Variants in AGRN observed in about 807,000 individuals in gnomAD.
AGRN encodes the protein agrin.
In AGRN, 106 loss-of-function variants were observed where a neutral mutation model predicts 211.0. The ratio of observed to expected loss-of-function variants is 0.50; its 90% CI spans 0.43 to 0.59. The LOEUF is 0.59. Among genes scored for constraint, AGRN ranks in the 20% least tolerant of loss-of-function variants. The pLI, the probability that AGRN is intolerant of heterozygous loss-of-function variation, is 0.00. For missense variants in AGRN, 3,040 were observed against 2,982.6 expected (o/e 1.02, Z -0.45); for synonymous variants, 1,525 against 1,332.5 (o/e 1.14, Z -3.15).
rs1645167660 is a variant in AGRN at position 1,048,495 on chromosome 1, A to T, written c.4105+130A>T. 3.7e-6 allele frequency: 3 copies of T among 820,236 alleles called. No individual in the cohort carries two copies. The highest frequency in any genetic ancestry group is 5.5e-6 in the Non-Finnish European group (3 of 546,800). 50.8% of individuals were successfully genotyped at this position (820,236 alleles called of 1,614,324 possible). A position where few individuals can be genotyped will look rare whatever the true frequency, so the allele number is the denominator to read the frequency against. On this transcript the variant is annotated intron_variant, in intron 23 of 35. Coordinates refer to ENST00000379370, the MANE Select transcript of AGRN (RefSeq NM_198576.4). The surrounding 1 kb of genome is among the most constrained non-coding windows in gnomAD (Gnocchi z 5.9). ...CGGATTAAGGCGGGGTTTCGGCCAG[A>T]TGCGGTGGCTCACGCCTGTAATCCC...
chr1:1,053,363 G>C, intron 33 of AGRN: 3 of 1,119,988 alleles, frequency 2.7e-6, no homozygotes, highest in Non-Finnish European at 3.5e-6. Flanking sequence ...CATGTCTTCT[G>C]TGGGTGCCTG....
rs778447033 is a variant in AGRN, at chr1:1,043,387, C to T, written c.1533C>T (p.Ser511=). 7 of 1,608,240 alleles carry T rather than the reference C, an allele frequency of 4.4e-6. No homozygotes were observed. The highest frequency in any genetic ancestry group is 2.2e-5 in the East Asian group (1 of 44,696). ...GCAGCGACGGCGTCACATACGGCAGCGCGTGCGAGCTGGAGGCCACGGCCT... is the reference window on the plus strand; with the variant it reads ...GCAGCGACGGCGTCACATACGGCAGTGCGTGCGAGCTGGAGGCCACGGCCT... ...VCGSDGVTYG[S]ACELEATACT... Residue 511 remains serine (S), a synonymous_variant, in exon 8 of 36, where the codon AGC becomes AGT. Transcript: ENST00000379370.
At chr1:1,038,911 G>A (rs930419927) in intron 3 of AGRN, among the ~76,000 whole-genome samples, 1 of 152,198 alleles carries the variant, frequency 6.6e-6, no homozygotes, top group Non-Finnish European at 1.5e-5. Flanking sequence ...TGTGGTTTGA[G>A]TTTGATTTGA....
chr1:1,048,270 C>G lies in AGRN; in HGVS notation c.4010C>G (p.Pro1337Arg). 6.5e-7 allele frequency: 1 copy of G among 1,530,150 alleles called. No individual in the cohort carries two copies. Among genetic ancestry groups the G allele is most frequent in the Non-Finnish European group, 8.8e-7 (1 of 1,134,516 alleles). The allele number at this position is 1,530,150 out of a possible 1,614,324, so 94.8% of individuals were successfully genotyped here. The change falls in exon 23 of 36, where the codon CCC becomes CGC. Residue 1337 changes from proline to arginine, a missense_variant. By Grantham distance (103) the Pro-to-Arg change is moderately radical. This residue lies in a region of AGRN where 1,537 missense variants were observed against 1,505.0 expected (regional missense o/e 1.02). Transcript: ENST00000379370. The surrounding 1 kb of genome is among the most constrained non-coding windows in gnomAD (Gnocchi z 5.9). The part of the protein sequence containing the change: ...QQPPKPCDSQ[P>R]CFHGGTCQDW... ...CCTCCAAAGCCCTGTGACTCACAGC[C>G]CTGCTTCCACGGGGGGACCTGCCAG... is the stretch of plus-strand genomic sequence containing the variant.
At chr1:1,035,066 G>C in intron 2 of AGRN, 1 of 646,964 alleles carries the variant, frequency 1.5e-6, no homozygotes, top group Non-Finnish European at 2.7e-6. Flanking sequence ...ATGACTATTT[G>C]GCTGGAGGGG....
intron 3 of AGRN, among the ~76,000 whole-genome samples, chr1:1,037,139 C>T (rs1570178027): frequency 6.6e-6 from 1 of 152,298 alleles, no homozygotes; most frequent in East Asian, 1.9e-4. Flanking sequence ...CAGGTCTATG[C>T]AGGTCTATGC....
chr1:1,047,911 C>T lies in AGRN; in HGVS notation c.3751+16C>T, dbSNP rs749589461. 1.1e-5 allele frequency: 18 copies of T among 1,594,912 alleles called. No homozygotes were observed. The South Asian group carries it at 1.4e-4, about 12-fold the overall frequency. ...ATGGACTTTGGTGAGCGCCAGGCCA[C>T]GAGCCACAGCTTACCTGCCCCCTCC... On this transcript the variant is annotated intron_variant, in intron 22 of 35. Coordinates refer to ENST00000379370, the MANE Select transcript of AGRN (RefSeq NM_198576.4).
At position 1,032,781 on chromosome 1, in the gene AGRN, A is replaced by T. The variant is rs953880920; in HGVS notation, c.464-2496A>T. 6.6e-6 allele frequency among the ~76,000 whole-genome samples: 1 copy of T among 152,060 alleles called. No individual in the cohort carries two copies. The highest frequency in any genetic ancestry group is 2.4e-5 in the African/African-American group (1 of 41,412). ...CAGGGACAGAGGAGAGGGCAGGGTA[A>T]TGGGTGCGCAGGGGTCCCTTCCAAA... is the stretch of plus-strand genomic sequence containing the variant. On this transcript the variant is annotated intron_variant, in intron 2 of 35. Coordinates refer to ENST00000379370, the MANE Select transcript of AGRN (RefSeq NM_198576.4). The surrounding 1 kb of genome is among the most constrained non-coding windows in gnomAD (Gnocchi z 4.7).
rs1557720421 is a variant in AGRN, at chr1:1,050,713, CCCT to C, written c.5142-8_5142-6del. 3.1e-6 allele frequency: 5 copies of C among 1,600,368 alleles called. No homozygotes were observed. Among genetic ancestry groups the C allele is most frequent in the Non-Finnish European group, 4.3e-6 (5 of 1,175,926 alleles). The stretch of plus-strand genomic sequence containing the variant: ...GGTGGACAGAGCCCACTCACGCTGC[CCCT>C]CCTCACCAGGAGCAGGGAGCCAGTC... On this transcript the variant is annotated splice_polypyrimidine_tract_variant and intron_variant, in intron 29 of 35. Transcript: ENST00000379370.
chr1:1,047,845 C>T lies in AGRN; in HGVS notation c.3701C>T (p.Ser1234Phe), dbSNP rs1433503299. Residue 1234 changes from serine to phenylalanine, a missense_variant, in exon 22 of 36, where the codon TCC becomes TTC. Physicochemically the swap from Ser to Phe is radical, Grantham distance 155 (BLOSUM62 -2). Coordinates refer to ENST00000379370, the MANE Select transcript of AGRN (RefSeq NM_198576.4). Reference protein sequence around the residue: ...LRQIQVSRRRSLGVRRPLQEH... With the variant: ...LRQIQVSRRRFLGVRRPLQEH... ...CAGATCCAGGTGTCCAGGCGCCGGTCCTTGGGGGTGAGGCGGCCGCTGCAG... is the reference window on the plus strand; with the variant it reads ...CAGATCCAGGTGTCCAGGCGCCGGTTCTTGGGGGTGAGGCGGCCGCTGCAG... 1.2e-6 allele frequency: 2 copies of T among 1,606,040 alleles called. No homozygotes were observed. Among genetic ancestry groups the T allele is most frequent in the Admixed American group, 1.7e-5 (1 of 59,162 alleles).
intron 2 of AGRN, among the ~76,000 whole-genome samples, chr1:1,027,916 G>A (rs1053946351): frequency 3.9e-5 from 6 of 152,210 alleles, no homozygotes; most frequent in Non-Finnish European, 5.9e-5. Flanking sequence ...AGGCTCCCAC[G>A]CACCCCCCGC....
intron 33 of AGRN, chr1:1,052,161 C>A: frequency 1.9e-6 from 2 of 1,047,630 alleles, no homozygotes; most frequent in East Asian, 5.1e-5. Flanking sequence ...TGCAAGAGGC[C>A]GTTTCCTGCC....
At position 1,055,141 on chromosome 1, in the gene AGRN, G is replaced by A; in HGVS notation, c.*160G>A. On this transcript the variant is annotated 3_prime_UTR_variant, in exon 36 of 36. Transcript: ENST00000379370. ...TGCTGCAGACAGACCTAGTGCCGAGGGATGGACAGGCGAGGTGGCAGCGTG... is the reference window on the plus strand; with the variant it reads ...TGCTGCAGACAGACCTAGTGCCGAGAGATGGACAGGCGAGGTGGCAGCGTG... 3 of 1,169,520 alleles carry A rather than the reference G, an allele frequency of 2.6e-6. No homozygotes were observed. Among genetic ancestry groups the A allele is most frequent in the Non-Finnish European group, 3.6e-6 (3 of 824,840 alleles). The allele number at this position is 1,169,520 out of a possible 1,614,324, so 72.4% of individuals were successfully genotyped here.
At chr1:1,045,305 C>T (rs773236999) in intron 13 of AGRN, 28 bp downstream of exon 13, 21 of 1,611,946 alleles carry the variant, frequency 1.3e-5, no homozygotes, top group South Asian at 3.3e-5. Context: ...GCCCCGACCC[C>T]GGGCCTGGTG....
chr1:1,049,511 A>C (rs1331518504), intron 25 of AGRN, 55 bp from the exon 26 acceptor site: 2 of 1,595,410 alleles, frequency 1.3e-6, no homozygotes, highest in African/African-American at 2.7e-5. Flanking sequence ...CCGGTGTACG[A>C]GGTGGCTTTG....
intron 3 of AGRN, among the ~76,000 whole-genome samples, chr1:1,039,733 C>T (rs1372347934): frequency 1.3e-5 from 2 of 152,062 alleles, no homozygotes; most frequent in African/African-American, 4.8e-5. Flanking sequence ...ACAGTTCCTG[C>T]ACCTCTCCAA....
chr1:1,043,114 TCTC>T (rs1644989977), intron 7 of AGRN, 122 bp from the exon 8 acceptor site: 9 of 1,084,600 alleles, frequency 8.3e-6, no homozygotes, highest in Non-Finnish European at 1.1e-5. Flanking sequence ...ATCTGGCCCT[TCTC>T]CTGTGTTCTC....
In AGRN at chr1:1,020,141, C is replaced by T. The variant is rs1195572761; in HGVS notation, c.-32C>T. The T allele has an allele frequency of 6.7e-6, 8 of 1,197,250 alleles. No individual in the cohort carries two copies. The highest frequency in any genetic ancestry group is 3.8e-5 in the East Asian group (1 of 26,052). The allele number at this position is 1,197,250 out of a possible 1,614,324, so 74.2% of individuals were successfully genotyped here. ...GTCCAGTCCCGTCCCCGGCGCGGCC[C>T]GCGCGCTCCTCCGCCGCCTCTCGCC... On this transcript the variant is annotated 5_prime_UTR_variant, in exon 1 of 36. Transcript: ENST00000379370.
At chr1:1,036,642 G>A (rs150521259) in intron 3 of AGRN, among the ~76,000 whole-genome samples, 3 of 152,096 alleles carry the variant, frequency 2.0e-5, no homozygotes, top group African/African-American at 4.8e-5. Context: ...GTGGGAACCC[G>A]TCCTACCCCT....
Sources: gnomAD v4.1 joint callset for allele counts (sites outside exome capture counted in the v4.1 genomes callset) on GRCh38, gnomAD v4.1.1 for gene constraint, gnomAD v4.1.1 regional missense constraint, Gnocchi (gnomAD v3.1) non-coding constraint, MANE v1.5 for transcripts, NCBI Gene and HGNC (gene_info 2026-07-23, HGNC 2026-07-21) for gene names.